PPP1R1A: variants seen among roughly 807,000 people sequenced by gnomAD.
PPP1R1A encodes the protein protein phosphatase 1 regulatory inhibitor subunit 1A, also known as protein phosphatase 1 regulatory subunit 1A.
In PPP1R1A, 18 loss-of-function variants were observed where a neutral mutation model predicts 23.9. The ratio of observed to expected loss-of-function variants is 0.75; its 90% confidence interval spans 0.52 to 1.12. The LOEUF (loss-of-function observed/expected upper bound fraction) is 1.12, where lower values mean the gene tolerates loss of function less well. Ranked by LOEUF, PPP1R1A falls within the 50% of genes most tolerant of loss-of-function variation. The probability of loss-of-function intolerance (pLI) is 0.00; values close to 1 mark genes in which losing one functional copy is unlikely to be tolerated. For missense variants in PPP1R1A, 207 were observed against 223.8 expected, an observed-to-expected ratio of 0.92 and a Z score of 0.48; for synonymous variants, 84 against 80.7, an observed-to-expected ratio of 1.04 and a Z score of -0.22.
In PPP1R1A at chr12:54,579,654, T is replaced by A; in HGVS notation, c.*733A>T. On this transcript the variant is annotated 3_prime_UTR_variant, in exon 7 of 7. Transcript: ENST00000257905. ...TCAATGTCTAGGACAAGGGAACCCTTCCAGTCTCCAGCATGGGCCTCTTCA... is the reference window on the plus strand; with the variant it reads ...TCAATGTCTAGGACAAGGGAACCCTACCAGTCTCCAGCATGGGCCTCTTCA... 1 of 985,478 alleles carries A rather than the reference T, an allele frequency of 1.0e-6. No individual in the cohort carries two copies. Among genetic ancestry groups the A allele is most frequent in the Non-Finnish European group, 1.2e-6 (1 of 829,984 alleles). 61.0% of individuals were successfully genotyped at this position (985,478 alleles called of 1,614,324 possible). A position where few individuals can be genotyped will look rare whatever the true frequency, so the allele number is the denominator to read the frequency against.
chr12:54,581,057 A>T lies in PPP1R1A; in HGVS notation c.404-7T>A, dbSNP rs757858094. On this transcript the variant is annotated splice_region_variant and splice_polypyrimidine_tract_variant and intron_variant, in intron 5 of 6. Transcript: ENST00000257905. The surrounding 1 kb of genome is among the most constrained non-coding windows in gnomAD (Gnocchi z 4.1). ...GGGATGCATTCTGCAGTTTCTGGGG[A>T]GGGAACATAGGGGTGGGAGGAAGAG... The T allele has an allele frequency of 3.2e-6, 5 of 1,548,086 alleles. No individual in the cohort carries two copies. In the South Asian group the frequency reaches 4.5e-5, roughly 14 times the overall value.
Position 54,579,462 on chromosome 12 carries a change from C to CCT in PPP1R1A, c.*923_*924dup. 4 of 985,332 alleles carry CCT rather than the reference C, an allele frequency of 4.1e-6. No individual in the cohort carries two copies. Among genetic ancestry groups the CCT allele is most frequent in the Non-Finnish European group, 4.8e-6 (4 of 829,936 alleles). The allele number at this position is 985,332 out of a possible 1,614,324, so 61.0% of individuals were successfully genotyped here. ...TGACGCTTCTCAGGCTCTGCTCTTG[C>CCT]CTCTGTACCACATGCTTCAGCAGGG... On this transcript the variant is annotated 3_prime_UTR_variant, in exon 7 of 7. Coordinates refer to ENST00000257905, the MANE Select transcript of PPP1R1A (RefSeq NM_006741.4).
chr12:54,584,883 C>T (rs1361184848), intron 1 of PPP1R1A, among the ~76,000 whole-genome samples: 1 of 152,166 alleles, frequency 6.6e-6, no homozygotes, highest in Non-Finnish European at 1.5e-5. Flanking sequence ...CTCTCCACCT[C>T]CCCCTGGTCC....
At position 54,582,815 on chromosome 12, in the gene PPP1R1A, C is replaced by T; in HGVS notation, c.184-20G>A. 5 of 1,611,514 alleles carry T rather than the reference C, an allele frequency of 3.1e-6. No homozygotes were observed. Among genetic ancestry groups the T allele is most frequent in the Non-Finnish European group, 4.2e-6 (5 of 1,178,758 alleles). On this transcript the variant is annotated intron_variant, in intron 3 of 6. Transcript: ENST00000257905. ...AGTGGACTGTGAAGGGCACAGAGCA[C>T]AGATGGGCGCCAGCCCCCCCTTGCT...
intron 1 of PPP1R1A, among the ~76,000 whole-genome samples, chr12:54,585,450 C>G (rs1310161777): frequency 1.3e-5 from 2 of 152,086 alleles, no homozygotes. Context: ...GAAGTCAGTT[C>G]AAGGACTCCT....
Position 54,580,261 on chromosome 12 carries a change from C to T in PPP1R1A, c.*126G>A. On this transcript the variant is annotated 3_prime_UTR_variant, in exon 7 of 7. Coordinates refer to ENST00000257905, the MANE Select transcript of PPP1R1A (RefSeq NM_006741.4). ...TGGAAAAGAAGGAAAGTGCCAAGGA[C>T]CTAACACCAAATTTATCACTTTTTA... 1 of 1,511,562 alleles carries T rather than the reference C, an allele frequency of 6.6e-7. No homozygotes were observed. Among genetic ancestry groups the T allele is most frequent in the South Asian group, 1.3e-5 (1 of 76,238 alleles). 93.6% of individuals were successfully genotyped at this position (1,511,562 alleles called of 1,614,324 possible).
chr12:54,585,830 G>A lies in PPP1R1A; in HGVS notation c.85-1510C>T, dbSNP rs73110931. Among the ~76,000 whole-genome samples, 986 of 149,742 alleles carry A rather than the reference G, an allele frequency of 6.6e-3. 6 individuals are homozygous for A. Among genetic ancestry groups the A allele is most frequent in the Non-Finnish European group, 0.011 (721 of 67,544 alleles). ...GGATGCAAAGAATGGGGGTATGTGG[G>A]GGTAGGGCATCATTTTCCCAGGAGA... On this transcript the variant is annotated intron_variant, in intron 1 of 6. Coordinates refer to ENST00000257905, the MANE Select transcript of PPP1R1A (RefSeq NM_006741.4).
At chr12:54,584,609 G>A (rs1957890768) in intron 1 of PPP1R1A, among the ~76,000 whole-genome samples, 1 of 152,110 alleles carries the variant, frequency 6.6e-6, no homozygotes, top group African/African-American at 2.4e-5. Context: ...GGAGGGCAAG[G>A]GCTGAAAAAC....
rs1957837835 is a variant in PPP1R1A, at chr12:54,579,904, C to T, written c.*483G>A. ...CCTTTTGTCCAGCAGATGGAGCCCA[C>T]CGCACAGTCACAGCTGGACACGGCA... is the stretch of plus-strand genomic sequence containing the variant. On this transcript the variant is annotated 3_prime_UTR_variant, in exon 7 of 7. Transcript: ENST00000257905. 1 of 986,792 alleles carries T rather than the reference C, an allele frequency of 1.0e-6. No homozygotes were observed. The highest frequency in any genetic ancestry group is 1.7e-5 in the African/African-American group (1 of 57,388). 61.1% of individuals were successfully genotyped at this position (986,792 alleles called of 1,614,324 possible).
Position 54,579,825 on chromosome 12 carries a change from TC to T in PPP1R1A, c.*561del, listed in dbSNP as rs1330757427. ...GGCTTGGAGGGCAGGCGAGGAGGTATCGGCACACCACCATACCCTCTTTCCC... is the reference window on the plus strand; with the variant it reads ...GGCTTGGAGGGCAGGCGAGGAGGTATGGCACACCACCATACCCTCTTTCCC... On this transcript the variant is annotated 3_prime_UTR_variant, in exon 7 of 7. Transcript: ENST00000257905. 6.1e-6 allele frequency: 6 copies of T among 985,356 alleles called. No individual in the cohort carries two copies. In the African/African-American group the frequency reaches 1.0e-4, roughly 17 times the overall value. 61.0% of individuals were successfully genotyped at this position (985,356 alleles called of 1,614,324 possible). A position where few individuals can be genotyped will look rare whatever the true frequency, so the allele number is the denominator to read the frequency against.
Position 54,584,226 on chromosome 12 carries a change from C to T in PPP1R1A, c.145+34G>A, listed in dbSNP as rs897225479. 9 of 1,548,440 alleles carry T rather than the reference C, an allele frequency of 5.8e-6. No individual in the cohort carries two copies. In the Admixed American group the frequency reaches 1.3e-4, roughly 22 times the overall value. On this transcript the variant is annotated intron_variant, in intron 2 of 6. Transcript: ENST00000257905. ...ATTGGGACCTGCTGCCATAGTGGCCCCCACGCCCTTCAGCAACCTATCCCT... is the reference window on the plus strand; with the variant it reads ...ATTGGGACCTGCTGCCATAGTGGCCTCCACGCCCTTCAGCAACCTATCCCT...
intron 2 of PPP1R1A, 121 bp downstream of exon 2, chr12:54,584,139 A>C: frequency 9.9e-7 from 1 of 1,014,526 alleles, no homozygotes; most frequent in Non-Finnish European, 1.5e-6. Flanking sequence ...TCCTGCCTTC[A>C]GTACTGAGGA....
chr12:54,585,065 C>A (rs2121212598), intron 1 of PPP1R1A, among the ~76,000 whole-genome samples: 1 of 152,324 alleles, frequency 6.6e-6, no homozygotes, highest in Non-Finnish European at 1.5e-5. Context: ...TGTGACAGCG[C>A]CTGGAGAGAG....
intron 1 of PPP1R1A, among the ~76,000 whole-genome samples, chr12:54,586,514 A>G (rs1040485054): frequency 3.3e-5 from 5 of 152,276 alleles, no homozygotes; most frequent in African/African-American, 9.6e-5. Context: ...TCTGTGCTCT[A>G]TAACTCAGAG....
At chr12:54,584,736 T>C (rs1957892253) in intron 1 of PPP1R1A, among the ~76,000 whole-genome samples, 2 of 151,288 alleles carry the variant, frequency 1.3e-5, no homozygotes, top group Admixed American at 1.3e-4. Flanking sequence ...AAATAAAAGT[T>C]GAAAAAAAAA....
At position 54,579,310 on chromosome 12, in the gene PPP1R1A, A is replaced by G. The variant is rs1303151901; in HGVS notation, c.*1077T>C. The G allele has an allele frequency of 1.0e-6, 1 of 980,436 alleles. No individual in the cohort carries two copies. Among genetic ancestry groups the G allele is most frequent in the Non-Finnish European group, 1.2e-6 (1 of 829,046 alleles). The allele number at this position is 980,436 out of a possible 1,614,324, so 60.7% of individuals were successfully genotyped here. On this transcript the variant is annotated 3_prime_UTR_variant, in exon 7 of 7. Coordinates refer to ENST00000257905, the MANE Select transcript of PPP1R1A (RefSeq NM_006741.4). The stretch of plus-strand genomic sequence containing the variant: ...ACATACATACACTCTTTCCAGCATG[A>G]TAAAATCTGGGTGAGGCGTTCTCCC...
At chr12:54,582,489 TG>T (rs1407846467) in intron 4 of PPP1R1A, among the ~76,000 whole-genome samples, 2 of 152,120 alleles carry the variant, frequency 1.3e-5, no homozygotes, top group Non-Finnish European at 2.9e-5. Flanking sequence ...ACTGTGCCGG[TG>T]AGTTCACATA....
chr12:54,579,372 G>A lies in PPP1R1A; in HGVS notation c.*1015C>T. 1 of 984,844 alleles carries A rather than the reference G, an allele frequency of 1.0e-6. No individual in the cohort carries two copies. Among genetic ancestry groups the A allele is most frequent in the Non-Finnish European group, 1.2e-6 (1 of 829,712 alleles). 61.0% of individuals were successfully genotyped at this position (984,844 alleles called of 1,614,324 possible). On this transcript the variant is annotated 3_prime_UTR_variant, in exon 7 of 7. Coordinates refer to ENST00000257905, the MANE Select transcript of PPP1R1A (RefSeq NM_006741.4). ...TATATATATATTTAGGTATGTATCTGGGCAAGCTGAGGCCCAGGAGGAGGC... is the reference window on the plus strand; with the variant it reads ...TATATATATATTTAGGTATGTATCTAGGCAAGCTGAGGCCCAGGAGGAGGC...
At chr12:54,582,389 ACTTGCTGGGAT>A (rs1957863875) in intron 4 of PPP1R1A, among the ~76,000 whole-genome samples, 1 of 152,190 alleles carries the variant, frequency 6.6e-6, no homozygotes, top group South Asian at 2.1e-4. Context: ...GATACTCCTC[ACTTGCTGGGAT>A]ACATGGTCTT....
Sources: allele counts gnomAD v4.1 joint callset (sites outside exome capture counted in the v4.1 genomes callset), GRCh38; gene constraint gnomAD v4.1.1; non-coding constraint Gnocchi (gnomAD v3.1); transcripts MANE v1.5; gene names NCBI Gene and HGNC (gene_info 2026-07-23, HGNC 2026-07-21).